Variants in SPSB1 observed in about 807,000 individuals in gnomAD.
The protein encoded by SPSB1 is splA/ryanodine receptor domain and SOCS box containing 1.
SPSB1 carries 8 observed loss-of-function variants against 21.2 expected under a neutral mutation model. That is an observed-to-expected ratio of 0.38 (90% CI 0.22 to 0.68). The LOEUF is 0.68. SPSB1 is among the 30% of genes least tolerant of loss of function. The pLI is 0.53. For missense variants in SPSB1, 242 were observed against 377.8 expected (o/e 0.64, Z 2.98); for synonymous variants, 169 against 161.7 (o/e 1.05, Z -0.34).
chr1:9,365,425 C>G (rs950593791), intron 2 of SPSB1, among the ~76,000 whole-genome samples: 1 of 152,208 alleles, frequency 6.6e-6, no homozygotes, highest in African/African-American at 2.4e-5. Flanking sequence ...CCTGGTCCCT[C>G]TTCTTTTAAA....
chr1:9,347,753 G>A, intron 1 of SPSB1, among the ~76,000 whole-genome samples: 1 of 152,014 alleles, frequency 6.6e-6, no homozygotes, highest in African/African-American at 2.4e-5. Flanking sequence ...GGCCTATAGG[G>A]TTTGGTAGAC....
chr1:9,312,289 A>G (rs1639533282), intron 1 of SPSB1, among the ~76,000 whole-genome samples: 1 of 151,876 alleles, frequency 6.6e-6, no homozygotes, highest in South Asian at 2.1e-4. Flanking sequence ...GGCCTCCCAA[A>G]GCTCTGGGAT....
chr1:9,320,127 C>T lies in SPSB1; in HGVS notation c.-150+27056C>T, dbSNP rs71641088. Reference sequence around the variant, plus strand: ...AGGTGTCCAGGCGTCTGCTTCTCACCGGCCCCACCCCCCACTATAGTTTCT... The same window carrying T: ...AGGTGTCCAGGCGTCTGCTTCTCACTGGCCCCACCCCCCACTATAGTTTCT... On this transcript the variant is annotated intron_variant, in intron 1 of 2. Coordinates refer to ENST00000328089, the MANE Select transcript of SPSB1 (RefSeq NM_025106.4). 4.1e-3 allele frequency among the ~76,000 whole-genome samples: 632 copies of T among 152,314 alleles called. 6 individuals are homozygous for T. Among genetic ancestry groups the T allele is most frequent in the Non-Finnish European group, 5.1e-3 (344 of 68,014 alleles).
At chr1:9,309,329 TGTGTGA>T (rs1295445350) in intron 1 of SPSB1, among the ~76,000 whole-genome samples, 84 of 137,060 alleles carry the variant, frequency 6.1e-4, no homozygotes, top group African/African-American at 1.4e-3. Flanking sequence ...TGTGTGTGTG[TGTGTGA>T]GTGACAGATT....
At chr1:9,335,390 TACTC>T in intron 1 of SPSB1, among the ~76,000 whole-genome samples, 1 of 151,982 alleles carries the variant, frequency 6.6e-6, no homozygotes, top group East Asian at 1.9e-4. Context: ...TAATCCCAGT[TACTC>T]AGGAGGCTTA....
At chr1:9,304,952 G>A (rs772792927) in intron 1 of SPSB1, among the ~76,000 whole-genome samples, 11 of 152,082 alleles carry the variant, frequency 7.2e-5, no homozygotes, top group African/African-American at 1.9e-4. Context: ...GAGCCACAGC[G>A]CTCACCCTCT....
chr1:9,299,428 T>C (rs376917255), intron 1 of SPSB1, among the ~76,000 whole-genome samples: 2 of 152,146 alleles, frequency 1.3e-5, no homozygotes, highest in African/African-American at 4.8e-5. Flanking sequence ...CGCTTGAACT[T>C]AGGAGTTTGA....
chr1:9,346,559 T>G lies in SPSB1; in HGVS notation c.-149-9184T>G, dbSNP rs1640168786. On this transcript the variant is annotated intron_variant, in intron 1 of 2. Transcript: ENST00000328089. This position sits in a 1 kb window ranked among gnomAD's most constrained non-coding sequence, Gnocchi z 4.4. ...GGAAGCAAGGCTCGGGAACAATTGA[T>G]CTGAAAGCATTTTGGGGGAAGGTGG... is the stretch of plus-strand genomic sequence containing the variant. Among the ~76,000 whole-genome samples the G allele has an allele frequency of 6.6e-6, 1 of 152,186 alleles. No homozygotes were observed.
rs1257242399 is a variant in SPSB1, at chr1:9,317,391, A to G, written c.-150+24320A>G. Among the ~76,000 whole-genome samples the G allele has an allele frequency of 6.6e-6, 1 of 152,192 alleles. No individual in the cohort carries two copies. Among genetic ancestry groups the G allele is most frequent in the Admixed American group, 6.5e-5 (1 of 15,288 alleles). On this transcript the variant is annotated intron_variant, in intron 1 of 2. Coordinates refer to ENST00000328089, the MANE Select transcript of SPSB1 (RefSeq NM_025106.4). This position sits in a 1 kb window ranked among gnomAD's most constrained non-coding sequence, Gnocchi z 4.3. ...TTGATAAAAGTCATCACCGAAATCAATCTGACTCCAGGATTTGGTTTAGGT... is the reference window on the plus strand; with the variant it reads ...TTGATAAAAGTCATCACCGAAATCAGTCTGACTCCAGGATTTGGTTTAGGT...
chr1:9,360,000 A>G (rs1407271097), intron 2 of SPSB1, among the ~76,000 whole-genome samples: 2 of 152,292 alleles, frequency 1.3e-5, no homozygotes, highest in East Asian at 3.9e-4. Context: ...GAGATGGGAA[A>G]GCCCAAAGGA....
chr1:9,337,334 C>T (rs1027421130), intron 1 of SPSB1, among the ~76,000 whole-genome samples: 1 of 152,172 alleles, frequency 6.6e-6, no homozygotes, highest in South Asian at 2.1e-4. Context: ...GACGGGGGCT[C>T]AGTGGGGGAA....
chr1:9,339,161 C>T (rs1640050995), intron 1 of SPSB1: 2 of 970,690 alleles, frequency 2.1e-6, no homozygotes, highest in African/African-American at 1.8e-5. Context: ...CCTGCCCTCA[C>T]CCCTCTTCTG....
chr1:9,326,035 G>A (rs1466753738), intron 1 of SPSB1, among the ~76,000 whole-genome samples: 4 of 152,076 alleles, frequency 2.6e-5, no homozygotes, highest in Admixed American at 2.6e-4. Flanking sequence ...GCTCCATGAG[G>A]TCAGAGTGAC....
intron 1 of SPSB1, among the ~76,000 whole-genome samples, chr1:9,294,310 ATG>A (rs943574387): frequency 6.8e-6 from 1 of 146,700 alleles, no homozygotes; most frequent in Admixed American, 6.7e-5. Context: ...GCGTCTGTGT[ATG>A]TGTGAGTGTC....
chr1:9,354,516 ATCT>A (rs1289852426), intron 1 of SPSB1, among the ~76,000 whole-genome samples: 1 of 151,972 alleles, frequency 6.6e-6, no homozygotes, highest in East Asian at 2.0e-4. Flanking sequence ...CGAGGCTCAA[ATCT>A]TCTGCTGCCT....
At position 9,321,681 on chromosome 1, in the gene SPSB1, G is replaced by T. The variant is rs1639724428; in HGVS notation, c.-150+28610G>T. Among the ~76,000 whole-genome samples, 2 of 152,060 alleles carry T rather than the reference G, an allele frequency of 1.3e-5. No individual in the cohort carries two copies. Among genetic ancestry groups the T allele is most frequent in the Non-Finnish European group, 2.9e-5 (2 of 68,020 alleles). On this transcript the variant is annotated intron_variant, in intron 1 of 2. Coordinates refer to ENST00000328089, the MANE Select transcript of SPSB1 (RefSeq NM_025106.4). This position sits in a 1 kb window ranked among gnomAD's most constrained non-coding sequence, Gnocchi z 4.8. ...AATAAAAAAAAAAATGCTGCTGATT[G>T]TCACTGTAATGTGCCCTTGACTCCA...
chr1:9,335,926 AC>A (rs1334536731), intron 1 of SPSB1, among the ~76,000 whole-genome samples: 4 of 152,232 alleles, frequency 2.6e-5, no homozygotes, highest in African/African-American at 9.6e-5. Flanking sequence ...GATAGCTACC[AC>A]CTAATGCATT....
chr1:9,346,322 G>T lies in SPSB1; in HGVS notation c.-149-9421G>T, dbSNP rs529144915. Among the ~76,000 whole-genome samples, 198 of 152,266 alleles carry T rather than the reference G, an allele frequency of 1.3e-3. 1 individual carries two copies. Among genetic ancestry groups the T allele is most frequent in the African/African-American group, 4.6e-3 (190 of 41,540 alleles). On this transcript the variant is annotated intron_variant, in intron 1 of 2. Transcript: ENST00000328089. The surrounding 1 kb of genome is among the most constrained non-coding windows in gnomAD (Gnocchi z 4.4). Reference sequence around the variant, plus strand: ...GCAAAACAATGGTTTTACTGTTCTGGGGTCAGTCGGACACACTGTGGAGGA... The same window carrying T: ...GCAAAACAATGGTTTTACTGTTCTGTGGTCAGTCGGACACACTGTGGAGGA...
intron 2 of SPSB1, among the ~76,000 whole-genome samples, chr1:9,358,629 C>T (rs1043548995): frequency 2.6e-5 from 4 of 152,186 alleles, no homozygotes; most frequent in African/African-American, 4.8e-5. Flanking sequence ...GGGGTGGTCA[C>T]GGAGCCAGGG....
Sources: allele counts gnomAD v4.1 joint callset (sites outside exome capture counted in the v4.1 genomes callset), GRCh38; gene constraint gnomAD v4.1.1; non-coding constraint Gnocchi (gnomAD v3.1); transcripts MANE v1.5; gene names NCBI Gene and HGNC (gene_info 2026-07-23, HGNC 2026-07-21).